MOBP: variants seen among roughly 807,000 people sequenced by gnomAD.
The protein encoded by MOBP is myelin-associated oligodendrocyte basic protein.
In MOBP, 5 loss-of-function variants were observed where a neutral mutation model predicts 15.0. The ratio of observed to expected loss-of-function variants is 0.33; its 90% CI spans 0.17 to 0.70. The LOEUF is 0.70. Ranked by LOEUF, MOBP falls within the 30% of genes least tolerant of loss-of-function variation. The pLI is 0.67. For synonymous variants in MOBP, 88 were observed against 99.0 expected (o/e 0.89, Z 0.66); for missense variants, 188 against 257.8 (o/e 0.73, Z 1.85).
chr3:39,496,701 T>C (rs1030305261), intron 2 of MOBP, among the ~76,000 whole-genome samples: 2 of 151,624 alleles, frequency 1.3e-5, no homozygotes, highest in African/African-American at 4.9e-5. Flanking sequence ...TTCGCTCTTG[T>C]TGCCCAGGCT....
rs77739840 is a variant in MOBP at position 39,492,042 on chromosome 3, G to A, written c.-4-10024G>A. ...ATGAGTGACTGCACAGCTTTGGCTG[G>A]GAGGCTGTCTAAGCCAATGGCCCAG... On this transcript the variant is annotated intron_variant, in intron 2 of 3. Coordinates refer to ENST00000684792, the MANE Select transcript of MOBP (RefSeq NM_001393704.1). 8.7e-4 allele frequency among the ~76,000 whole-genome samples: 133 copies of A among 152,272 alleles called. 1 individual carries two copies. The East Asian group carries it at 0.025, about 29-fold the overall frequency.
intron 2 of MOBP, among the ~76,000 whole-genome samples, chr3:39,500,967 A>G (rs2042961510): frequency 6.6e-6 from 1 of 152,254 alleles, no homozygotes; most frequent in Non-Finnish European, 1.5e-5. Flanking sequence ...TTTGATGATC[A>G]CAAACAGAGG....
At chr3:39,514,962 G>A (rs1297158847) in exon 5 of MOBP, 1 of 119,042 alleles carries the variant, frequency 8.4e-6, no homozygotes, top group African/African-American at 3.3e-5. Flanking sequence ...GGACTGGTGT[G>A]TGCGTGTGTG....
chr3:39,524,568 G>C (rs866486838), exon 5 of MOBP: 1 of 152,152 alleles, frequency 6.6e-6, no homozygotes, highest in African/African-American at 2.4e-5. Flanking sequence ...AAGATGTGGG[G>C]AAAATTCTCA....
chr3:39,519,505 CTTTT>C (rs3036572), downstream of MOBP, among the ~76,000 whole-genome samples: 10 of 131,582 alleles, frequency 7.6e-5, no homozygotes, highest in African/African-American at 2.7e-4. Context: ...TAAATGGCAT[CTTTT>C]TTTTTTTTTT....
chr3:39,485,800 A>C (rs1349232739), intron 2 of MOBP, among the ~76,000 whole-genome samples: 1 of 152,168 alleles, frequency 6.6e-6, no homozygotes, highest in Non-Finnish European at 1.5e-5. Context: ...GTTTTTGAGG[A>C]TCAATCAAGA....
chr3:39,468,089 T>A (rs950141032), intron 1 of MOBP, among the ~76,000 whole-genome samples: 24 of 138,458 alleles, frequency 1.7e-4, no homozygotes, highest in Non-Finnish European at 2.6e-4. Context: ...GCTTTTTTTT[T>A]TTTAATTTAT....
At chr3:39,480,838 T>C (rs1241175895) in intron 2 of MOBP, among the ~76,000 whole-genome samples, 2 of 152,240 alleles carry the variant, frequency 1.3e-5, no homozygotes, top group African/African-American at 2.4e-5. Flanking sequence ...TGTCATTCTG[T>C]GACCATTGTC....
chr3:39,502,537 C>T lies in MOBP; in HGVS notation c.209C>T (p.Thr70Ile). 1 of 1,577,126 alleles carries T rather than the reference C, an allele frequency of 6.3e-7. No homozygotes were observed. The change falls in exon 4 of 4, where the codon ACC (threonine) becomes ATC (isoleucine). Residue 70 changes from threonine to isoleucine, a missense_variant and splice_region_variant. By Grantham distance (89) the Thr-to-Ile change is moderately conservative. This residue lies in a region of MOBP where 133 missense variants were observed against 212.5 expected (regional missense o/e 0.63). Coordinates refer to ENST00000684792, the MANE Select transcript of MOBP (RefSeq NM_001393704.1). This position sits in a 1 kb window ranked among gnomAD's most constrained non-coding sequence, Gnocchi z 6.3. ...CCAGCTTCTTTTGGCCCTCTCAGAACCAGCCGCCGTGCCAAGTCCCCTCAG... is the reference window on the plus strand; with the variant it reads ...CCAGCTTCTTTTGGCCCTCTCAGAATCAGCCGCCGTGCCAAGTCCCCTCAG... ...WICCACQKTR[T>I]SRRAKSPQRP...
intron 1 of MOBP, among the ~76,000 whole-genome samples, chr3:39,470,325 G>A (rs1446942258): frequency 6.6e-6 from 1 of 152,084 alleles, no homozygotes; most frequent in African/African-American, 2.4e-5. Flanking sequence ...CCCCTTATGG[G>A]GACAGGAATC....
At chr3:39,511,586 AC>A (rs1200733658) in intron 4 of MOBP, among the ~76,000 whole-genome samples, 2 of 152,298 alleles carry the variant, frequency 1.3e-5, no homozygotes, top group East Asian at 3.9e-4. Flanking sequence ...AAGAGCCTTC[AC>A]ACTTCTTGCT....
At chr3:39,512,681 T>C (rs923985882) in intron 4 of MOBP, among the ~76,000 whole-genome samples, 1 of 152,234 alleles carries the variant, frequency 6.6e-6, no homozygotes, top group Non-Finnish European at 1.5e-5. Flanking sequence ...AGAATAAAAT[T>C]ATGTGACATT....
intron 2 of MOBP, among the ~76,000 whole-genome samples, chr3:39,484,887 G>T (rs999900244): frequency 2.6e-5 from 4 of 152,236 alleles, no homozygotes; most frequent in African/African-American, 9.6e-5. Flanking sequence ...GGTGGGCAGT[G>T]TGGTTCTTGG....
exon 5 of MOBP, chr3:39,514,857 G>A (rs2043176187): frequency 1.3e-5 from 2 of 152,118 alleles, no homozygotes; most frequent in South Asian, 4.2e-4. Flanking sequence ...ACTCCACCAG[G>A]ATCTACCACA....
At chr3:39,516,983 A>G (rs2043212327), downstream of MOBP, among the ~76,000 whole-genome samples, 1 of 152,152 alleles carries the variant, frequency 6.6e-6, no homozygotes, top group Non-Finnish European at 1.5e-5. Flanking sequence ...TCAGGGCTGG[A>G]GGGGCCCTGG....
At chr3:39,523,464 C>G (rs1012094053) in intron 3 of MOBP, among the ~76,000 whole-genome samples, 1 of 152,142 alleles carries the variant, frequency 6.6e-6, no homozygotes, top group Non-Finnish European at 1.5e-5. Context: ...TGCATTGGAT[C>G]TGGAGATCAA....
intron 2 of MOBP, among the ~76,000 whole-genome samples, chr3:39,481,898 T>C (rs760063582): frequency 1.3e-5 from 2 of 152,224 alleles, no homozygotes; most frequent in Non-Finnish European, 2.9e-5. Context: ...ATTCCTATGA[T>C]GTCACATGCT....
chr3:39,502,536 ACCAG>A lies in MOBP; in HGVS notation c.211_214del (p.Ser71AlafsTer156). ...TCCAGCTTCTTTTGGCCCTCTCAGA[ACCAG>A]CCGCCGTGCCAAGTCCCCTCAGAGG... On this transcript the variant is annotated frameshift_variant and splice_region_variant, in exon 4 of 4. Transcript: ENST00000684792. LOFTEE classifies it high-confidence loss of function. This position sits in a 1 kb window ranked among gnomAD's most constrained non-coding sequence, Gnocchi z 6.3. 6.3e-7 allele frequency: 1 copy of A among 1,576,378 alleles called. No individual in the cohort carries two copies. The highest frequency in any genetic ancestry group is 8.5e-7 in the Non-Finnish European group (1 of 1,170,038).
At chr3:39,513,525 AG>A in exon 5 of MOBP, 1 of 1,202,150 alleles carries the variant, frequency 8.3e-7, no homozygotes, top group Non-Finnish European at 1.2e-6. Context: ...AATATTATGC[AG>A]GGGCAAACAC....
Sources: allele counts gnomAD v4.1 joint callset (sites outside exome capture counted in the v4.1 genomes callset), GRCh38; gene constraint gnomAD v4.1.1; regional missense constraint gnomAD v4.1.1; non-coding constraint Gnocchi (gnomAD v3.1); transcripts MANE v1.5; gene names NCBI Gene and HGNC (gene_info 2026-07-23, HGNC 2026-07-21).